Variants in EFR3B observed in about 807,000 individuals in gnomAD.
EFR3B encodes the protein protein EFR3 homolog B.
A neutral mutation model predicts 104.7 loss-of-function variants in EFR3B; 64 were observed. The observed-to-expected ratio is 0.61, with a 90% CI of 0.50 to 0.75. EFR3B has a LOEUF of 0.75. Among genes scored for constraint, EFR3B ranks in the 30% least tolerant of loss-of-function variants. EFR3B has a pLI of 0.00. For missense variants in EFR3B, 750 were observed against 1,078.5 expected (o/e 0.70, Z 4.27); for synonymous variants, 385 against 417.9 (o/e 0.92, Z 0.96).
chr2:25,142,747 A>C (rs1670706610), intron 17 of EFR3B, among the ~76,000 whole-genome samples: 1 of 150,348 alleles, frequency 6.7e-6, no homozygotes, highest in Non-Finnish European at 1.5e-5. Flanking sequence ...CAACAGGGAG[A>C]GACTTGGTCT....
intron 21 of EFR3B, among the ~76,000 whole-genome samples, chr2:25,152,656 C>G (rs981455084): frequency 1.3e-5 from 2 of 152,128 alleles, no homozygotes; most frequent in Non-Finnish European, 2.9e-5. Flanking sequence ...GGAGCTCAGA[C>G]AATCTTGAAA....
intron 1 of EFR3B, among the ~76,000 whole-genome samples, chr2:25,060,210 G>C (rs1047337482): frequency 2.6e-5 from 4 of 151,972 alleles, no homozygotes; most frequent in African/African-American, 7.2e-5. Context: ...AAAAAGAAAA[G>C]GCTAAAATGG....
Position 25,132,804 on chromosome 2 carries a change from G to A in EFR3B, c.1148-99G>A, listed in dbSNP as rs1402469305. 10 of 975,108 alleles carry A rather than the reference G, an allele frequency of 1.0e-5. No individual in the cohort carries two copies. The East Asian group carries it at 1.8e-4, about 18-fold the overall frequency. The allele number at this position is 975,108 out of a possible 1,614,324, so 60.4% of individuals were successfully genotyped here. A position where few individuals can be genotyped will look rare whatever the true frequency, so the allele number is the denominator to read the frequency against. ...CTTTCTCTGGTCCTGGATTGACTCC[G>A]GAGAGAGGCAGCCCTCGCTCTCTGC... On this transcript the variant is annotated intron_variant, in intron 10 of 22. Transcript: ENST00000403714.
intron 1 of EFR3B, among the ~76,000 whole-genome samples, chr2:25,087,083 C>T (rs920338580): frequency 4.6e-5 from 7 of 152,210 alleles, no homozygotes; most frequent in East Asian, 3.9e-4. Context: ...GAAGCAAACA[C>T]GTCCTTCATA....
intron 1 of EFR3B, 107 bp from the exon 2 acceptor site, chr2:25,091,218 C>T: frequency 9.3e-7 from 1 of 1,076,992 alleles, no homozygotes. Flanking sequence ...TGTCTGATTC[C>T]AGCCTGTCTG....
rs1459370487 is a variant in EFR3B, at chr2:25,103,643, G to T, written c.219G>T (p.Val73=). The T allele has an allele frequency of 1.3e-6, 2 of 1,550,668 alleles. No homozygotes were observed. Among genetic ancestry groups the T allele is most frequent in the Non-Finnish European group, 1.7e-6 (2 of 1,146,230 alleles). The change falls in exon 4 of 23, where the codon GTG becomes GTT. Residue 73 remains valine (V), a synonymous_variant. Coordinates refer to ENST00000403714, the MANE Select transcript of EFR3B (RefSeq NM_014971.2). ...CATGTGCTGCCCTCCCCAGGTACGT[G>T]TGCATTGCTATGGAGGCTTTGGACC... The part of the protein sequence containing the change: ...RDVGRHRYGY[V]CIAMEALDQL...
rs1425043511 is a variant in EFR3B, at chr2:25,047,218, AC to A, written c.7+4901del. ...CAACCTTCTATCTATGACATCAATT[AC>A]CGCTCTGGTTTTGTGTTCACCTCCT... On this transcript the variant is annotated intron_variant, in intron 1 of 22. Coordinates refer to ENST00000403714, the MANE Select transcript of EFR3B (RefSeq NM_014971.2). Among the ~76,000 whole-genome samples, 7 of 152,236 alleles carry A rather than the reference AC, an allele frequency of 4.6e-5. No individual in the cohort carries two copies. The East Asian group carries it at 1.4e-3, about 29-fold the overall frequency.
chr2:25,048,614 C>T (rs1182653298), intron 1 of EFR3B, among the ~76,000 whole-genome samples: 2 of 151,436 alleles, frequency 1.3e-5, no homozygotes, highest in Admixed American at 6.6e-5. Context: ...ACCCAGGTGC[C>T]GAGGGCACGA....
chr2:25,093,411 T>C (rs993174115), intron 3 of EFR3B, among the ~76,000 whole-genome samples: 14 of 152,054 alleles, frequency 9.2e-5, no homozygotes, highest in Non-Finnish European at 1.9e-4. Flanking sequence ...GAAGGATCAC[T>C]TGAGCCCAGA....
At chr2:25,142,489 G>A (rs893122007) in intron 17 of EFR3B, among the ~76,000 whole-genome samples, 3 of 148,530 alleles carry the variant, frequency 2.0e-5, no homozygotes, top group African/African-American at 7.5e-5. Flanking sequence ...AGTGGCTTAT[G>A]CCTATGTAAT....
Position 25,130,064 on chromosome 2 carries a change from G to T in EFR3B, c.725G>T (p.Arg242Leu). Residue 242 changes from arginine (R) to leucine (L), a missense_variant, in exon 7 of 23, where the codon CGG becomes CTG. Transcript: ENST00000403714. This position sits in a 1 kb window ranked among gnomAD's most constrained non-coding sequence, Gnocchi z 4.6. ...AGGTGTCTTCGGGAGCTGCTGGGCC[G>T]GGCTGCCTTTGGCAACATCAAAAAC... The part of the protein sequence containing the change: ...AERCLRELLG[R>L]AAFGNIKNAI... 6.4e-7 allele frequency: 1 copy of T among 1,551,718 alleles called. No individual in the cohort carries two copies. The highest frequency in any genetic ancestry group is 1.4e-5 in the African/African-American group (1 of 73,164).
chr2:25,110,204 G>C (rs2149195138), intron 4 of EFR3B, among the ~76,000 whole-genome samples: 1 of 151,848 alleles, frequency 6.6e-6, no homozygotes, highest in East Asian at 1.9e-4. Flanking sequence ...CACCCTCCGG[G>C]GCCCTCGGGA....
intron 4 of EFR3B, among the ~76,000 whole-genome samples, chr2:25,113,892 GA>G (rs1669791757): frequency 1.3e-5 from 2 of 152,194 alleles, no homozygotes; most frequent in South Asian, 4.2e-4. Flanking sequence ...GAAAGACAGG[GA>G]AACTGAGGCA....
rs185045630 is a variant in EFR3B, at chr2:25,056,300, G to A, written c.7+13981G>A. Among the ~76,000 whole-genome samples the A allele has an allele frequency of 4.5e-3, 681 of 152,324 alleles. 5 individuals carry two copies. The highest frequency in any genetic ancestry group is 0.017 in the Middle Eastern group (5 of 294). Reference sequence around the variant, plus strand: ...CCTGCTGAAACGGTTAAGGCCGTTAGAAGGACTTCTCGTGTATTTCCTCCT... The same window carrying A: ...CCTGCTGAAACGGTTAAGGCCGTTAAAAGGACTTCTCGTGTATTTCCTCCT... On this transcript the variant is annotated intron_variant, in intron 1 of 22. Coordinates refer to ENST00000403714, the MANE Select transcript of EFR3B (RefSeq NM_014971.2).
At chr2:25,083,825 G>A (rs1668875610) in intron 1 of EFR3B, among the ~76,000 whole-genome samples, 1 of 152,198 alleles carries the variant, frequency 6.6e-6, no homozygotes, top group Non-Finnish European at 1.5e-5. Flanking sequence ...CAGACTCAAA[G>A]TGTGGTCCTG....
intron 19 of EFR3B, 42 bp from the exon 20 acceptor site, chr2:25,149,652 T>C: frequency 6.5e-7 from 1 of 1,547,780 alleles, no homozygotes; most frequent in Non-Finnish European, 8.7e-7. Context: ...CTCCTTTCTC[T>C]GCCCCCTGCC....
intron 3 of EFR3B, among the ~76,000 whole-genome samples, chr2:25,102,440 G>A (rs1296719946): frequency 6.6e-6 from 1 of 152,150 alleles, no homozygotes; most frequent in East Asian, 1.9e-4. Context: ...GCAGGGCTGG[G>A]GAGACCTCAG....
chr2:25,046,659 T>A (rs984620087), intron 1 of EFR3B, among the ~76,000 whole-genome samples: 10 of 150,638 alleles, frequency 6.6e-5, no homozygotes, highest in Non-Finnish European at 1.2e-4. Context: ...GTCCACCACC[T>A]CGCCCGGCTA....
Position 25,154,409 on chromosome 2 carries a change from C to A in EFR3B, c.*69C>A. On this transcript the variant is annotated 3_prime_UTR_variant, in exon 23 of 23. Transcript: ENST00000403714. This position sits in a 1 kb window ranked among gnomAD's most constrained non-coding sequence, Gnocchi z 4.1. ...GGGCTCACCTCACGCCCACCCCGAC[C>A]ACATGGAGATCTGGCTGTGATCTCT... is the stretch of plus-strand genomic sequence containing the variant. 1 of 1,351,494 alleles carries A rather than the reference C, an allele frequency of 7.4e-7. No homozygotes were observed. The highest frequency in any genetic ancestry group is 1.0e-6 in the Non-Finnish European group (1 of 971,882). The allele number at this position is 1,351,494 out of a possible 1,614,324, so 83.7% of individuals were successfully genotyped here. A position where few individuals can be genotyped will look rare whatever the true frequency, so the allele number is the denominator to read the frequency against.
Sources: gnomAD v4.1 joint callset for allele counts (sites outside exome capture counted in the v4.1 genomes callset) on GRCh38, gnomAD v4.1.1 for gene constraint, Gnocchi (gnomAD v3.1) non-coding constraint, MANE v1.5 for transcripts, NCBI Gene and HGNC (gene_info 2026-07-23, HGNC 2026-07-21) for gene names.